Variants in GRIK4 observed in about 807,000 individuals in gnomAD.
The protein encoded by GRIK4 is glutamate receptor ionotropic, kainate 4.
Under a neutral mutation model 104.9 loss-of-function variants are expected in GRIK4, and 40 were observed. The ratio of observed to expected loss-of-function variants is 0.38; its 90% confidence interval spans 0.30 to 0.50. The LOEUF is 0.50. Among genes scored for constraint, GRIK4 ranks in the 20% least tolerant of loss-of-function variants. The pLI, the probability that GRIK4 is intolerant of heterozygous loss-of-function variation, is 0.93. For missense variants in GRIK4, 1,047 were observed against 1,308.1 expected (o/e 0.80, Z 3.08); for synonymous variants, 485 against 524.9 (o/e 0.92, Z 1.04).
chr11:120,978,551 A>T (rs116602348), intron 19 of GRIK4, among the ~76,000 whole-genome samples: 2,828 of 152,266 alleles, frequency 0.019, 102 homozygotes, highest in African/African-American at 0.065. Context: ...CAGAAAGATC[A>T]GTGAGGCAAC....
In GRIK4 at chr11:120,986,251, GC is replaced by G; in HGVS notation, c.2865del (p.Glu956SerfsTer99). 1 of 1,522,314 alleles carries G rather than the reference GC, an allele frequency of 6.6e-7. No homozygotes were observed. Among genetic ancestry groups the G allele is most frequent in the Non-Finnish European group, 8.8e-7 (1 of 1,142,088 alleles). 94.3% of individuals were successfully genotyped at this position (1,522,314 alleles called of 1,614,324 possible). On this transcript the variant is annotated frameshift_variant, in exon 21 of 21. Transcript: ENST00000527524. LOFTEE classifies it high-confidence loss of function. ...GGGAGAAAACCACCAACAGCAGCGA[GC>G]CCGAGTAGTCCCGGAGGCCACAGGA... ...EWEKTTNSSE[P>X]E
intron 3 of GRIK4, among the ~76,000 whole-genome samples, chr11:120,710,732 G>A (rs1476424261): frequency 1.3e-5 from 2 of 152,172 alleles, no homozygotes; most frequent in Non-Finnish European, 2.9e-5. Flanking sequence ...CTTGCACATC[G>A]CCCTGCTCCT....
At chr11:120,776,464 C>T (rs1952044671) in intron 3 of GRIK4, among the ~76,000 whole-genome samples, 1 of 152,206 alleles carries the variant, frequency 6.6e-6, no homozygotes. Flanking sequence ...AAGGGACACC[C>T]TCCATGTCTG....
intron 2 of GRIK4, among the ~76,000 whole-genome samples, chr11:120,656,452 G>A (rs961438321): frequency 1.1e-4 from 17 of 152,308 alleles, no homozygotes; most frequent in African/African-American, 4.1e-4. Context: ...ATGCAACATG[G>A]TGGCTCTTTT....
intron 3 of GRIK4, among the ~76,000 whole-genome samples, chr11:120,709,100 G>T (rs1950680404): frequency 6.6e-6 from 1 of 152,104 alleles, no homozygotes; most frequent in Admixed American, 6.6e-5. Context: ...TTTTCAAAGG[G>T]AGGGCCAAGG....
Position 120,844,632 on chromosome 11 carries a change from T to A in GRIK4, c.744+7788T>A, listed in dbSNP as rs560763147. On this transcript the variant is annotated intron_variant, in intron 8 of 20. Transcript: ENST00000527524. ...TAAGCCTCAGACACAAAGGAACCTA[T>A]CTGCGTTTCAGCTGGGGAGAGCTGG... Among the ~76,000 whole-genome samples, 20 of 152,278 alleles carry A rather than the reference T, an allele frequency of 1.3e-4. 1 individual carries two copies. In the South Asian group the frequency reaches 1.7e-3, roughly 13 times the overall value.
intron 3 of GRIK4, among the ~76,000 whole-genome samples, chr11:120,725,310 A>G (rs1850119832): frequency 6.6e-6 from 1 of 152,200 alleles, no homozygotes; most frequent in Admixed American, 6.5e-5. Context: ...CATGTTCCAG[A>G]ACTTGCTATG....
intron 13 of GRIK4, among the ~76,000 whole-genome samples, chr11:120,920,573 T>C (rs1457908734): frequency 6.6e-6 from 1 of 152,136 alleles, no homozygotes; most frequent in Non-Finnish European, 1.5e-5. Flanking sequence ...CCCAGCAGCC[T>C]TCCAAGGTTA....
At chr11:120,605,936 G>C (rs1186670011) in intron 1 of GRIK4, among the ~76,000 whole-genome samples, 1 of 152,238 alleles carries the variant, frequency 6.6e-6, no homozygotes, top group African/African-American at 2.4e-5. Context: ...TGGCTGGGGA[G>C]AGGGTGTACC....
At chr11:120,931,354 GGTCATGCTGACCTTGGCT>G (rs924905611) in intron 13 of GRIK4, among the ~76,000 whole-genome samples, 1 of 152,222 alleles carries the variant, frequency 6.6e-6, no homozygotes, top group African/African-American at 2.4e-5. Context: ...GTACCATGGA[GGTCATGCTGACCTTGGCT>G]GGAGTGATAT....
chr11:120,651,159 G>A (rs1169816725), intron 1 of GRIK4, among the ~76,000 whole-genome samples: 2 of 152,214 alleles, frequency 1.3e-5, no homozygotes, highest in Admixed American at 6.5e-5. Context: ...GAAAGATGAG[G>A]ATGCCATCAG....
chr11:120,866,485 G>A (rs11607770), intron 9 of GRIK4, among the ~76,000 whole-genome samples: 5,165 of 152,262 alleles, frequency 0.034, 267 homozygotes, highest in African/African-American at 0.12. Context: ...ACCCAGGGCT[G>A]TTTAAAAGAT....
chr11:120,853,117 A>G (rs1565393231), intron 8 of GRIK4, among the ~76,000 whole-genome samples: 1 of 152,136 alleles, frequency 6.6e-6, no homozygotes, highest in Non-Finnish European at 1.5e-5. Context: ...CGTGATAAAA[A>G]GCTCCAAGTG....
chr11:120,828,965 C>T (rs1279032127), intron 6 of GRIK4, among the ~76,000 whole-genome samples: 7 of 152,308 alleles, frequency 4.6e-5, no homozygotes, highest in Non-Finnish European at 7.3e-5. Flanking sequence ...CAGCCTCTGC[C>T]AGGCAGCACC....
chr11:120,954,782 T>TACACAA (rs1944096675), intron 15 of GRIK4, among the ~76,000 whole-genome samples: 1 of 107,898 alleles, frequency 9.3e-6, no homozygotes, highest in African/African-American at 3.6e-5. Flanking sequence ...TCTCTCTCAC[T>TACACAA]ACACACACAC....
chr11:120,987,066 G>A lies in GRIK4; in HGVS notation c.*806G>A, dbSNP rs1318370916. On this transcript the variant is annotated 3_prime_UTR_variant, in exon 21 of 21. Transcript: ENST00000527524. ...ACTCAGACCTTGAAACGCCTGGAAT[G>A]TCAAGGGTTAATCTGTCTTTTCTTT... is the stretch of plus-strand genomic sequence containing the variant. 1 of 152,218 alleles carries A rather than the reference G, an allele frequency of 6.6e-6. No homozygotes were observed. The highest frequency in any genetic ancestry group is 2.4e-5 in the African/African-American group (1 of 41,448). 9.4% of individuals were successfully genotyped at this position (152,218 alleles called of 1,614,324 possible).
At chr11:120,536,744 G>A (rs532539929) in intron 1 of GRIK4, among the ~76,000 whole-genome samples, 24 of 152,322 alleles carry the variant, frequency 1.6e-4, no homozygotes, top group African/African-American at 5.8e-4. Context: ...GATGAGTGGG[G>A]AGTGATCAAT....
At chr11:120,668,128 T>C (rs1454919715) in intron 3 of GRIK4, among the ~76,000 whole-genome samples, 1 of 151,514 alleles carries the variant, frequency 6.6e-6, no homozygotes, top group Non-Finnish European at 1.5e-5. Context: ...GATAGATAGA[T>C]AGATAGATAG....
intron 1 of GRIK4, among the ~76,000 whole-genome samples, chr11:120,566,244 C>T (rs189726572): frequency 6.6e-6 from 1 of 152,326 alleles, no homozygotes; most frequent in Non-Finnish European, 1.5e-5. Context: ...CAGAGATCTT[C>T]TGATCTAGGC....
Sources: gnomAD v4.1 joint callset for allele counts (sites outside exome capture counted in the v4.1 genomes callset) on GRCh38, gnomAD v4.1.1 for gene constraint, MANE v1.5 for transcripts, NCBI Gene and HGNC (gene_info 2026-07-23, HGNC 2026-07-21) for gene names.